The following CDH18 variants were observed in gnomAD, a reference collection of about 807,000 sequenced individuals.
CDH18 encodes the protein cadherin-18.
Under a neutral mutation model 67.9 loss-of-function variants are expected in CDH18, and 31 were observed. The ratio of observed to expected loss-of-function variants is 0.46; its 90% CI spans 0.34 to 0.62. The LOEUF (loss-of-function observed/expected upper bound fraction) is 0.62, where lower values mean the gene tolerates loss of function less well. Ranked by LOEUF, CDH18 falls within the 20% of genes least tolerant of loss-of-function variation. CDH18 has a pLI of 0.01. For missense variants in CDH18, 890 were observed against 975.5 expected (o/e 0.91, Z 1.17); for synonymous variants, 362 against 347.2 (o/e 1.04, Z -0.48).
chr5:20,368,811 C>A (rs1055033963), intron 1 of CDH18, among the ~76,000 whole-genome samples: 2 of 152,172 alleles, frequency 1.3e-5, no homozygotes, highest in Non-Finnish European at 2.9e-5. Flanking sequence ...CACATAATTT[C>A]ATAAATTCAT....
At chr5:20,328,071 A>G (rs1738775537) in intron 1 of CDH18, among the ~76,000 whole-genome samples, 1 of 152,058 alleles carries the variant, frequency 6.6e-6, no homozygotes, top group African/African-American at 2.4e-5. Flanking sequence ...ACGGAGAAAT[A>G]AGAGAAGAGT....
rs143539214 is a variant in CDH18, at chr5:19,970,439, AC to A, written c.-257+10620del. On this transcript the variant is annotated intron_variant, in intron 2 of 12. Transcript: ENST00000382275. ...TTCAATATATATTTAAGCATTTTAC[AC>A]TTTTGCAGGAATATTTTTCATTTAA... Among the ~76,000 whole-genome samples the A allele has an allele frequency of 1.2e-3, 187 of 151,728 alleles. 1 individual carries two copies. The highest frequency in any genetic ancestry group is 4.2e-3 in the African/African-American group (175 of 41,512).
At chr5:20,139,752 T>C (rs995875231) in intron 2 of CDH18, among the ~76,000 whole-genome samples, 3 of 151,960 alleles carry the variant, frequency 2.0e-5, no homozygotes, top group Admixed American at 6.6e-5. Flanking sequence ...GAAATGCAAA[T>C]CAAAACCACA....
At chr5:20,486,110 T>G (rs1753155161) in intron 1 of CDH18, among the ~76,000 whole-genome samples, 1 of 152,192 alleles carries the variant, frequency 6.6e-6, no homozygotes, top group Non-Finnish European at 1.5e-5. Flanking sequence ...CCATAGGATG[T>G]GCTGGTGCCT....
intron 5 of CDH18, among the ~76,000 whole-genome samples, chr5:19,645,457 G>A (rs1580675624): frequency 6.6e-6 from 1 of 152,146 alleles, no homozygotes; most frequent in East Asian, 1.9e-4. Context: ...GAGGTAGAGA[G>A]GGCTAAATAA....
chr5:19,483,665 A>C, intron 11 of CDH18, 113 bp from the exon 12 acceptor site: 4 of 1,154,548 alleles, frequency 3.5e-6, no homozygotes, highest in Non-Finnish European at 4.8e-6. Context: ...CAGTTTATGA[A>C]ATGGACAAGG....
intron 1 of CDH18, among the ~76,000 whole-genome samples, chr5:20,531,829 C>T (rs560627498): frequency 2.6e-5 from 4 of 152,010 alleles, no homozygotes; most frequent in South Asian, 4.1e-4. Context: ...CCGCAGCAAA[C>T]CACCATGTTA....
At chr5:19,680,419 T>C (rs1044555274) in intron 5 of CDH18, among the ~76,000 whole-genome samples, 6 of 152,102 alleles carry the variant, frequency 3.9e-5, no homozygotes, top group Non-Finnish European at 8.8e-5. Context: ...AAACAAAAAT[T>C]GGCAAGTGGG....
chr5:19,837,738 C>T (rs17222002), intron 3 of CDH18, among the ~76,000 whole-genome samples: 14 of 152,096 alleles, frequency 9.2e-5, no homozygotes, highest in African/African-American at 3.1e-4. Flanking sequence ...ATTAGGGAAG[C>T]GCCACGGCTT....
At chr5:20,375,664 A>G (rs1562013758) in intron 1 of CDH18, among the ~76,000 whole-genome samples, 1 of 151,614 alleles carries the variant, frequency 6.6e-6, no homozygotes, top group Non-Finnish European at 1.5e-5. Flanking sequence ...AGGGCAAATA[A>G]CTCCTTTGTT....
intron 3 of CDH18, among the ~76,000 whole-genome samples, chr5:19,836,287 G>C (rs1781620347): frequency 6.6e-6 from 1 of 152,154 alleles, no homozygotes; most frequent in Admixed American, 6.6e-5. Flanking sequence ...CCCACCAACA[G>C]TGGAAAAGTG....
chr5:20,055,585 T>G (rs1206716849), intron 2 of CDH18, among the ~76,000 whole-genome samples: 2 of 152,186 alleles, frequency 1.3e-5, no homozygotes, highest in Non-Finnish European at 2.9e-5. Context: ...TCAGGCTAAG[T>G]GTGCATTTAT....
At chr5:19,980,417 A>G (rs1579927908) in intron 2 of CDH18, among the ~76,000 whole-genome samples, 1 of 152,190 alleles carries the variant, frequency 6.6e-6, no homozygotes, top group South Asian at 2.1e-4. Flanking sequence ...TTAAGGAAAT[A>G]CACTCTTTAT....
At chr5:19,811,148 AAGAAAGAAAGAAGG>A (rs1316611063) in intron 3 of CDH18, among the ~76,000 whole-genome samples, 890 of 69,184 alleles carry the variant, frequency 0.013, 29 homozygotes, top group African/African-American at 0.028. Flanking sequence ...GAAAGAAAGA[AAGAAAGAAAGAAGG>A]AGAGAAAGAA....
intron 1 of CDH18, among the ~76,000 whole-genome samples, chr5:20,408,723 A>G (rs965133216): frequency 6.6e-6 from 1 of 151,942 alleles, no homozygotes; most frequent in Non-Finnish European, 1.5e-5. Flanking sequence ...AGATGGGCAT[A>G]GTAAATTCTT....
chr5:20,154,744 G>A (rs914484518), intron 2 of CDH18, among the ~76,000 whole-genome samples: 2 of 152,038 alleles, frequency 1.3e-5, no homozygotes, highest in Non-Finnish European at 2.9e-5. Flanking sequence ...AACATCATAC[G>A]CTTTTGCTAA....
chr5:19,968,286 A>G (rs1797670550), intron 2 of CDH18, among the ~76,000 whole-genome samples: 1 of 152,178 alleles, frequency 6.6e-6, no homozygotes, highest in South Asian at 2.1e-4. Flanking sequence ...TTATAGATTC[A>G]ATGCCATCCC....
chr5:20,359,508 C>T (rs561369266), intron 1 of CDH18, among the ~76,000 whole-genome samples: 1 of 152,212 alleles, frequency 6.6e-6, no homozygotes, highest in South Asian at 2.1e-4. Flanking sequence ...TTCATATTTT[C>T]TTTATAAACT....
At chr5:19,837,484 G>T (rs551363203) in intron 3 of CDH18, among the ~76,000 whole-genome samples, 1 of 151,984 alleles carries the variant, frequency 6.6e-6, no homozygotes, top group East Asian at 1.9e-4. Flanking sequence ...ATGCTTTGAT[G>T]TTATTACATT....
Sources: gnomAD v4.1 joint callset for allele counts (sites outside exome capture counted in the v4.1 genomes callset) on GRCh38, gnomAD v4.1.1 for gene constraint, MANE v1.5 for transcripts, NCBI Gene and HGNC (gene_info 2026-07-23, HGNC 2026-07-21) for gene names.